Variants in KCNQ1 observed in about 807,000 individuals in gnomAD.
KCNQ1 encodes potassium voltage-gated channel subfamily KQT member 1.
KCNQ1 carries 49 observed loss-of-function variants against 72.4 expected under a neutral mutation model. The ratio of observed to expected loss-of-function variants is 0.68; its 90% CI spans 0.54 to 0.86. The LOEUF is 0.86. KCNQ1 is among the 40% of genes least tolerant of loss of function. KCNQ1 has a pLI of 0.00. For missense variants in KCNQ1, 790 were observed against 945.1 expected, an observed-to-expected ratio of 0.84 and a Z score of 2.15; for synonymous variants, 450 against 412.6, an observed-to-expected ratio of 1.09 and a Z score of -1.10.
At position 2,611,372 on chromosome 11, in the gene KCNQ1, A is replaced by G. The variant is rs929771649; in HGVS notation, c.1393+22518A>G. On this transcript the variant is annotated intron_variant, in intron 10 of 15. Transcript: ENST00000155840. This position sits in a 1 kb window ranked among gnomAD's most constrained non-coding sequence, Gnocchi z 5.3. The stretch of plus-strand genomic sequence containing the variant: ...GTAGCTGGGACTACAGGCATTTGCC[A>G]CCATACCCAGCTAATTTTTAGTAGA... 10 of 397,312 alleles carry G rather than the reference A, an allele frequency of 2.5e-5. No homozygotes were observed. Among genetic ancestry groups the G allele is most frequent in the Admixed American group, 4.4e-5 (1 of 22,694 alleles). 24.6% of individuals were successfully genotyped at this position (397,312 alleles called of 1,614,324 possible).
rs1261898235 is a variant in KCNQ1, at chr11:2,645,334, T to A, written c.1394-16627T>A. The A allele has an allele frequency of 2.5e-6, 1 of 398,486 alleles. No individual in the cohort carries two copies. Among genetic ancestry groups the A allele is most frequent in the African/African-American group, 2.1e-5 (1 of 48,570 alleles). 24.7% of individuals were successfully genotyped at this position (398,486 alleles called of 1,614,324 possible). A position where few individuals can be genotyped will look rare whatever the true frequency, so the allele number is the denominator to read the frequency against. ...AACAATACTGGATAGGGCAGGGTGA[T>A]CCCTAGGCCCAGAGATGGTATGCGC... On this transcript the variant is annotated intron_variant, in intron 10 of 15. Transcript: ENST00000155840. This position sits in a 1 kb window ranked among gnomAD's most constrained non-coding sequence, Gnocchi z 5.8.
rs1849013061 is a variant in KCNQ1, at chr11:2,613,469, T to C, written c.1393+24615T>C. On this transcript the variant is annotated intron_variant, in intron 10 of 15. Coordinates refer to ENST00000155840, the MANE Select transcript of KCNQ1 (RefSeq NM_000218.3). The surrounding 1 kb of genome is among the most constrained non-coding windows in gnomAD (Gnocchi z 4.8). ...GAATTCAAAATCAGATGAGCCTTCT[T>C]TGTTGCTGGTCCTCAAGCCTACCGT... 1 of 398,482 alleles carries C rather than the reference T, an allele frequency of 2.5e-6. No individual in the cohort carries two copies. 24.7% of individuals were successfully genotyped at this position (398,482 alleles called of 1,614,324 possible).
chr11:2,699,495 G>T, intron 11 of KCNQ1: 1 of 175,732 alleles, frequency 5.7e-6, no homozygotes, highest in Non-Finnish European at 8.9e-6. Context: ...CGGGGAGAGT[G>T]CCGCGCTGAG....
In KCNQ1 at chr11:2,691,243, T is replaced by G. The variant is rs1850583115; in HGVS notation, c.1514+29162T>G. The G allele has an allele frequency of 2.5e-6, 1 of 398,610 alleles. No individual in the cohort carries two copies. The highest frequency in any genetic ancestry group is 4.4e-6 in the Non-Finnish European group (1 of 226,092). 24.7% of individuals were successfully genotyped at this position (398,610 alleles called of 1,614,324 possible). A position where few individuals can be genotyped will look rare whatever the true frequency, so the allele number is the denominator to read the frequency against. ...AGTTAGAGGATCTGCAGTTAACCCC[T>G]TGAGTCTCGGAAGGCTGTTTGAGCC... On this transcript the variant is annotated intron_variant, in intron 11 of 15. Transcript: ENST00000155840. The surrounding 1 kb of genome is among the most constrained non-coding windows in gnomAD (Gnocchi z 6.4).
At chr11:2,820,276 C>T (rs376882499) in intron 15 of KCNQ1, among the ~76,000 whole-genome samples, 15 of 152,200 alleles carry the variant, frequency 9.9e-5, no homozygotes, top group African/African-American at 3.6e-4. Flanking sequence ...CTTGTAAATC[C>T]ATCCTAAGAT....
intron 10 of KCNQ1, chr11:2,633,131 C>G (rs947365587): frequency 5.8e-5 from 23 of 398,384 alleles, no homozygotes; most frequent in Non-Finnish European, 4.4e-6. Context: ...AATAATGTCT[C>G]ACTGTGGCTT....
intron 1 of KCNQ1, among the ~76,000 whole-genome samples, chr11:2,474,127 C>T (rs1846534926): frequency 6.6e-6 from 1 of 152,140 alleles, no homozygotes; most frequent in East Asian, 1.9e-4. Flanking sequence ...AGGCTTTCCT[C>T]ACTGAGGGCT....
chr11:2,548,467 A>G (rs895384996), intron 2 of KCNQ1, among the ~76,000 whole-genome samples: 6 of 152,254 alleles, frequency 3.9e-5, no homozygotes, highest in African/African-American at 1.4e-4. Context: ...CGGTATAACT[A>G]TAATTTTTCC....
intron 1 of KCNQ1, among the ~76,000 whole-genome samples, chr11:2,489,024 C>T (rs1434019029): frequency 6.6e-6 from 1 of 152,112 alleles, no homozygotes; most frequent in Non-Finnish European, 1.5e-5. Context: ...TCCAATTGTC[C>T]TCCCCAACAG....
intron 11 of KCNQ1, among the ~76,000 whole-genome samples, chr11:2,733,786 A>C (rs1266277936): frequency 1.6e-5 from 1 of 63,094 alleles, no homozygotes; most frequent in African/African-American, 9.1e-5. Flanking sequence ...ACACACACAC[A>C]CACACACACA....
chr11:2,701,830 G>C (rs1336422875), intron 11 of KCNQ1, among the ~76,000 whole-genome samples: 1 of 152,198 alleles, frequency 6.6e-6, no homozygotes, highest in Admixed American at 6.5e-5. Flanking sequence ...CTGGAGTCCT[G>C]ACCCTGGCCT....
At chr11:2,799,499 G>T (rs1338732596) in intron 15 of KCNQ1, among the ~76,000 whole-genome samples, 1 of 151,688 alleles carries the variant, frequency 6.6e-6, no homozygotes, top group Non-Finnish European at 1.5e-5. Flanking sequence ...GTGTTTTGTT[G>T]TATGTGGTGT....
chr11:2,834,080 T>G (rs1848013582), intron 15 of KCNQ1, among the ~76,000 whole-genome samples: 1 of 152,118 alleles, frequency 6.6e-6, no homozygotes, highest in Admixed American at 6.5e-5. Context: ...ACACACACAC[T>G]GCTGCATTCG....
intron 1 of KCNQ1, among the ~76,000 whole-genome samples, chr11:2,452,559 T>C (rs921269712): frequency 6.6e-6 from 1 of 152,192 alleles, no homozygotes; most frequent in African/African-American, 2.4e-5. Context: ...CCTCTGGCTA[T>C]ATCTAAGCAG....
In KCNQ1 at chr11:2,593,800, C is replaced by T. The variant is rs1398492447; in HGVS notation, c.1393+4946C>T. The stretch of plus-strand genomic sequence containing the variant: ...CTCAGCCCAACACACCAAGCCTGGC[C>T]TTTCATGCACTCCTCCATTCAAAGC... On this transcript the variant is annotated intron_variant, in intron 10 of 15. Transcript: ENST00000155840. This position sits in a 1 kb window ranked among gnomAD's most constrained non-coding sequence, Gnocchi z 6.9. Among the ~76,000 whole-genome samples, 1 of 152,168 alleles carries T rather than the reference C, an allele frequency of 6.6e-6. No individual in the cohort carries two copies. The highest frequency in any genetic ancestry group is 6.5e-5 in the Admixed American group (1 of 15,292).
chr11:2,731,526 C>T (rs1055675447), intron 11 of KCNQ1, among the ~76,000 whole-genome samples: 9 of 152,248 alleles, frequency 5.9e-5, no homozygotes, highest in African/African-American at 1.2e-4. Context: ...ACAGGAGGTG[C>T]GGCTCCAGGT....
At chr11:2,837,282 A>G (rs2134077358) in intron 15 of KCNQ1, among the ~76,000 whole-genome samples, 1 of 152,264 alleles carries the variant, frequency 6.6e-6, no homozygotes, top group Middle Eastern at 3.4e-3. Context: ...GGAGGTGGCC[A>G]GAGGCCTCTC....
chr11:2,725,160 A>G lies in KCNQ1; in HGVS notation c.1515-43684A>G, dbSNP rs1845737178. ...CCAGGGCAGGGTGGGGCAGGCACGG[A>G]TTCCTGACGTGGAGACAGGAGGAAG... On this transcript the variant is annotated intron_variant, in intron 11 of 15. Transcript: ENST00000155840. This position sits in a 1 kb window ranked among gnomAD's most constrained non-coding sequence, Gnocchi z 7.2. Among the ~76,000 whole-genome samples, 1 of 152,194 alleles carries G rather than the reference A, an allele frequency of 6.6e-6. No homozygotes were observed. The highest frequency in any genetic ancestry group is 1.5e-5 in the Non-Finnish European group (1 of 68,036).
intron 11 of KCNQ1, among the ~76,000 whole-genome samples, chr11:2,708,003 T>C (rs1276922048): frequency 6.6e-6 from 1 of 152,062 alleles, no homozygotes; most frequent in Non-Finnish European, 1.5e-5. Flanking sequence ...GTCGAGGAGG[T>C]GGTGTGGGCA....
Sources: allele counts gnomAD v4.1 joint callset (sites outside exome capture counted in the v4.1 genomes callset), GRCh38; gene constraint gnomAD v4.1.1; non-coding constraint Gnocchi (gnomAD v3.1); transcripts MANE v1.5; gene names NCBI Gene and HGNC (gene_info 2026-07-23, HGNC 2026-07-21).